RBFOX1: variants seen among roughly 807,000 people sequenced by gnomAD.
RBFOX1 encodes the protein RNA binding fox-1 homolog 1, also known as RNA binding protein fox-1 homolog 1.
Under a neutral mutation model 57.7 loss-of-function variants are expected in RBFOX1, and 8 were observed. The observed-to-expected ratio is 0.14, with a 90% confidence interval of 0.08 to 0.25. RBFOX1 has a LOEUF of 0.25. RBFOX1 is among the 10% of genes least tolerant of loss of function. The pLI is 1.00. For synonymous variants in RBFOX1, 326 were observed against 222.4 expected (o/e 1.47, Z -4.15); for missense variants, 611 against 548.5 (o/e 1.11, Z -1.14).
intron 2 of RBFOX1, among the ~76,000 whole-genome samples, chr16:6,595,554 T>TA (rs1465009254): frequency 6.6e-6 from 1 of 152,222 alleles, no homozygotes; most frequent in Admixed American, 6.5e-5. Context: ...CTTACGTTTT[T>TA]ATTTCTCTTG....
chr16:5,516,767 G>T (rs1209973611), intron 2 of RBFOX1, among the ~76,000 whole-genome samples: 2 of 152,082 alleles, frequency 1.3e-5, no homozygotes, highest in African/African-American at 4.8e-5. Flanking sequence ...CATAAGATCT[G>T]TTGGTTTTAT....
intron 4 of RBFOX1, among the ~76,000 whole-genome samples, chr16:5,975,075 T>C (rs536750369): frequency 1.3e-5 from 2 of 152,322 alleles, no homozygotes; most frequent in East Asian, 3.9e-4. Flanking sequence ...AGTTGGCCTC[T>C]TTTTTTAATA....
chr16:6,976,099 C>T (rs1422129575), intron 3 of RBFOX1, among the ~76,000 whole-genome samples: 1 of 151,972 alleles, frequency 6.6e-6, no homozygotes, highest in Non-Finnish European at 1.5e-5. Flanking sequence ...TGCAGTTCAG[C>T]CTGGGCGACA....
intron 5 of RBFOX1, among the ~76,000 whole-genome samples, chr16:7,576,359 C>A (rs987834103): frequency 1.3e-5 from 2 of 152,124 alleles, no homozygotes; most frequent in African/African-American, 2.4e-5. Flanking sequence ...TGCATCCCAC[C>A]ATATAAAAGG....
At chr16:7,664,827 T>G in intron 12 of RBFOX1, 102 bp from the exon 13 acceptor site, 1 of 1,602,262 alleles carries the variant, frequency 6.2e-7, no homozygotes, top group Non-Finnish European at 8.5e-7. Context: ...TCCTGTGTTT[T>G]GGATCTTGTG....
intron 3 of RBFOX1, among the ~76,000 whole-genome samples, chr16:5,822,689 C>G (rs2055898641): frequency 6.6e-6 from 1 of 152,192 alleles, no homozygotes; most frequent in Non-Finnish European, 1.5e-5. Flanking sequence ...GGAATTATGT[C>G]TTCTTGGGTT....
intron 2 of RBFOX1, among the ~76,000 whole-genome samples, chr16:6,553,417 T>C (rs1447540656): frequency 1.3e-5 from 2 of 152,182 alleles, no homozygotes; most frequent in Non-Finnish European, 2.9e-5. Flanking sequence ...AGGAGAATGC[T>C]CTTTTTGAGA....
intron 2 of RBFOX1, among the ~76,000 whole-genome samples, chr16:5,509,200 G>C (rs998550090): frequency 6.6e-6 from 1 of 152,226 alleles, no homozygotes; most frequent in Non-Finnish European, 1.5e-5. Flanking sequence ...ATGCAGGGTG[G>C]TGCAAGAGCA....
At chr16:5,403,307 G>A (rs1422431811) in intron 1 of RBFOX1, among the ~76,000 whole-genome samples, 1 of 143,424 alleles carries the variant, frequency 7.0e-6, no homozygotes, top group African/African-American at 2.6e-5. Context: ...CCGAGATCGT[G>A]CCATTGCACT....
At chr16:7,470,309 T>C (rs1250210638) in intron 4 of RBFOX1, among the ~76,000 whole-genome samples, 1 of 152,240 alleles carries the variant, frequency 6.6e-6, no homozygotes, top group African/African-American at 2.4e-5. Flanking sequence ...TTGTTCACCA[T>C]TGTTTCCCTA....
Position 6,735,115 on chromosome 16 carries a change from C to T in RBFOX1, c.-16+80465C>T, listed in dbSNP as rs866939963. Reference sequence around the variant, plus strand: ...AGCCATGATTAAACAACTGTATACACTCCAGCCTGGGCAGCAGAGTGAGAC... The same window carrying T: ...AGCCATGATTAAACAACTGTATACATTCCAGCCTGGGCAGCAGAGTGAGAC... On this transcript the variant is annotated intron_variant, in intron 3 of 15. Coordinates refer to ENST00000550418, the MANE Select transcript of RBFOX1 (RefSeq NM_018723.4). Among the ~76,000 whole-genome samples, 10 of 152,142 alleles carry T rather than the reference C, an allele frequency of 6.6e-5. No individual in the cohort carries two copies. In the South Asian group the frequency reaches 2.1e-3, roughly 32 times the overall value.
At chr16:6,194,248 C>G (rs1382323295) in intron 1 of RBFOX1, among the ~76,000 whole-genome samples, 3 of 152,160 alleles carry the variant, frequency 2.0e-5, no homozygotes, top group South Asian at 4.1e-4. Flanking sequence ...GCCACAGAAT[C>G]CAGCATTTGC....
At chr16:5,548,706 G>A (rs1262966888) in intron 2 of RBFOX1, among the ~76,000 whole-genome samples, 1 of 152,062 alleles carries the variant, frequency 6.6e-6, no homozygotes, top group African/African-American at 2.4e-5. Context: ...TAAACTCTTG[G>A]GAATGATGGA....
chr16:7,462,997 G>C (rs1012372688), intron 4 of RBFOX1, among the ~76,000 whole-genome samples: 4 of 152,148 alleles, frequency 2.6e-5, no homozygotes, highest in Non-Finnish European at 5.9e-5. Context: ...CCTTGTCTTA[G>C]CCTGCTTGGG....
At chr16:6,278,134 A>C (rs1303300119) in intron 1 of RBFOX1, among the ~76,000 whole-genome samples, 2 of 152,160 alleles carry the variant, frequency 1.3e-5, no homozygotes, top group African/African-American at 4.8e-5. Context: ...GCATGAAGGG[A>C]CTTTGTGGAA....
chr16:6,781,053 C>G (rs939730631), intron 3 of RBFOX1, among the ~76,000 whole-genome samples: 1 of 152,058 alleles, frequency 6.6e-6, no homozygotes, highest in African/African-American at 2.4e-5. Context: ...GTGGCTTACT[C>G]AAAAAGTATT....
chr16:7,660,172 G>A (rs545397694), intron 12 of RBFOX1, among the ~76,000 whole-genome samples: 17 of 152,028 alleles, frequency 1.1e-4, no homozygotes, highest in African/African-American at 2.4e-4. Flanking sequence ...CTAATTTTCT[G>A]TAGTGCAGTC....
chr16:6,970,845 A>T (rs2085374135), intron 3 of RBFOX1, among the ~76,000 whole-genome samples: 1 of 152,204 alleles, frequency 6.6e-6, no homozygotes, highest in Non-Finnish European at 1.5e-5. Flanking sequence ...ATTCAGCATC[A>T]ATAGAAGAAA....
chr16:5,834,678 A>G (rs2056394601), intron 3 of RBFOX1, among the ~76,000 whole-genome samples: 1 of 129,276 alleles, frequency 7.7e-6, no homozygotes, highest in Non-Finnish European at 1.7e-5. Flanking sequence ...GCTGGATTGA[A>G]TGGGATAGGT....
Sources: gnomAD v4.1 joint callset for allele counts (sites outside exome capture counted in the v4.1 genomes callset) on GRCh38, gnomAD v4.1.1 for gene constraint, MANE v1.5 for transcripts, NCBI Gene and HGNC (gene_info 2026-07-23, HGNC 2026-07-21) for gene names.